The following DNAH11 variants were observed in gnomAD, a reference collection of about 807,000 sequenced individuals.
DNAH11 encodes dynein axonemal heavy chain 11.
A neutral mutation model predicts 526.0 loss-of-function variants in DNAH11; 442 were observed. The observed-to-expected ratio is 0.84, with a 90% CI of 0.78 to 0.91. The LOEUF (loss-of-function observed/expected upper bound fraction) is 0.91, where lower values mean the gene tolerates loss of function less well. DNAH11 is among the 40% of genes least tolerant of loss of function. The pLI, the probability that DNAH11 is intolerant of heterozygous loss-of-function variation, is 0.00. For synonymous variants in DNAH11, 2,461 were observed against 1,935.9 expected, an observed-to-expected ratio of 1.27 and a Z score of -7.12; for missense variants, 6,989 against 5,448.7, an observed-to-expected ratio of 1.28 and a Z score of -8.90.
At chr7:21,836,601 A>G (rs6960272) in intron 65 of DNAH11, among the ~76,000 whole-genome samples, 10,525 of 152,202 alleles carry the variant, frequency 0.069, 1,133 homozygotes, top group African/African-American at 0.23. Flanking sequence ...CTCAAAGTAG[A>G]TGAAAGACTT....
rs374008310 is a variant in DNAH11, at chr7:21,852,672, G to A, written c.11061+41G>A. 316 of 1,521,158 alleles carry A rather than the reference G, an allele frequency of 2.1e-4. 1 individual carries two copies. The African/African-American group carries it at 4.0e-3, about 19-fold the overall frequency. 94.2% of individuals were successfully genotyped at this position (1,521,158 alleles called of 1,614,324 possible). ...GGTGCCTGGCAGATTCTAATGCTCTGTTCGAATGAGACATGTGGGGTGGGC... is the reference window on the plus strand; with the variant it reads ...GGTGCCTGGCAGATTCTAATGCTCTATTCGAATGAGACATGTGGGGTGGGC... On this transcript the variant is annotated intron_variant, in intron 67 of 81. Transcript: ENST00000409508.
At chr7:21,774,087 T>C (rs72657377) in intron 56 of DNAH11, 88 bp downstream of exon 56, 64 of 1,183,566 alleles carry the variant, frequency 5.4e-5, no homozygotes, top group Non-Finnish European at 7.0e-6. Flanking sequence ...TAAATCCATT[T>C]CTATAAGATG....
chr7:21,754,053 T>C (rs1007338930), intron 54 of DNAH11, among the ~76,000 whole-genome samples: 5 of 152,206 alleles, frequency 3.3e-5, no homozygotes, highest in Non-Finnish European at 5.9e-5. Flanking sequence ...TTGGTTGATA[T>C]CATATAGCCT....
chr7:21,840,379 G>C (rs1373797749), intron 65 of DNAH11, among the ~76,000 whole-genome samples: 2 of 152,010 alleles, frequency 1.3e-5, no homozygotes, highest in Non-Finnish European at 2.9e-5. Flanking sequence ...ATTGGGCTCT[G>C]GCTAATTTTC....
At chr7:21,648,347 T>C (rs1405557619) in intron 28 of DNAH11, among the ~76,000 whole-genome samples, 1 of 152,208 alleles carries the variant, frequency 6.6e-6, no homozygotes, top group Non-Finnish European at 1.5e-5. Context: ...AGAAACTAGT[T>C]CTCCATTTGG....
At chr7:21,808,594 A>G (rs1789376384) in intron 63 of DNAH11, among the ~76,000 whole-genome samples, 1 of 152,044 alleles carries the variant, frequency 6.6e-6, no homozygotes, top group African/African-American at 2.4e-5. Flanking sequence ...CTACCTCCAT[A>G]AGATCCACCT....
chr7:21,576,033 C>A (rs1444575631), intron 8 of DNAH11, among the ~76,000 whole-genome samples: 1 of 152,054 alleles, frequency 6.6e-6, no homozygotes, highest in Admixed American at 6.6e-5. Context: ...CCTACTGCTC[C>A]CAGTAAGTGC....
At chr7:21,880,384 T>C (rs1029540332) in intron 74 of DNAH11, among the ~76,000 whole-genome samples, 1 of 152,208 alleles carries the variant, frequency 6.6e-6, no homozygotes, top group Non-Finnish European at 1.5e-5. Flanking sequence ...TCATCCAGAT[T>C]CTGCGAAGAA....
rs76887410 is a variant in DNAH11 at position 21,806,590 on chromosome 7, C to T, written c.10166-1293C>T. On this transcript the variant is annotated intron_variant, in intron 62 of 81. Transcript: ENST00000409508. ...GAACTGGCATTCCAATCCATTCTGACGTCATTTTTGTTTTCTGTGGTCAAT... is the reference window on the plus strand; with the variant it reads ...GAACTGGCATTCCAATCCATTCTGATGTCATTTTTGTTTTCTGTGGTCAAT... 5.9e-5 allele frequency among the ~76,000 whole-genome samples: 9 copies of T among 152,272 alleles called. No individual in the cohort carries two copies. In the East Asian group the frequency reaches 7.7e-4, roughly 13 times the overall value.
At chr7:21,780,914 T>C (rs1404639066) in intron 57 of DNAH11, among the ~76,000 whole-genome samples, 1 of 152,206 alleles carries the variant, frequency 6.6e-6, no homozygotes, top group Non-Finnish European at 1.5e-5. Context: ...ATGAGACAAG[T>C]AACACATTGA....
At chr7:21,681,482 T>C in intron 30 of DNAH11, 64 bp from the exon 31 acceptor site, 1 of 1,520,838 alleles carries the variant, frequency 6.6e-7, no homozygotes, top group Non-Finnish European at 8.9e-7. Context: ...ATACGAAGAA[T>C]TTGGGGCTCT....
At chr7:21,610,480 T>A (rs1253189026) in intron 20 of DNAH11, among the ~76,000 whole-genome samples, 1 of 152,114 alleles carries the variant, frequency 6.6e-6, no homozygotes, top group African/African-American at 2.4e-5. Context: ...GTCCAACAGA[T>A]TAAGTTCAGT....
chr7:21,780,298 AC>A, intron 57 of DNAH11, among the ~76,000 whole-genome samples: 1 of 152,246 alleles, frequency 6.6e-6, no homozygotes, highest in East Asian at 1.9e-4. Context: ...TAATCCCTGC[AC>A]TTAGGGAGGC....
At chr7:21,552,312 T>C (rs1783052705) in intron 2 of DNAH11, among the ~76,000 whole-genome samples, 1 of 152,184 alleles carries the variant, frequency 6.6e-6, no homozygotes, top group Non-Finnish European at 1.5e-5. Flanking sequence ...GAATCTTTTT[T>C]TGAGCATGAG....
At chr7:21,790,811 G>A (rs1788448194) in intron 61 of DNAH11, among the ~76,000 whole-genome samples, 1 of 152,204 alleles carries the variant, frequency 6.6e-6, no homozygotes, top group Non-Finnish European at 1.5e-5. Context: ...ATCATGAACA[G>A]GGAAATCATG....
intron 65 of DNAH11, among the ~76,000 whole-genome samples, chr7:21,832,622 A>G (rs549035791): frequency 6.6e-6 from 1 of 152,308 alleles, no homozygotes; most frequent in Non-Finnish European, 1.5e-5. Flanking sequence ...TTTATTCTTG[A>G]AAGCCTAGAG....
intron 20 of DNAH11, among the ~76,000 whole-genome samples, chr7:21,611,567 T>A (rs1785524779): frequency 6.6e-6 from 1 of 152,110 alleles, no homozygotes; most frequent in Non-Finnish European, 1.5e-5. Flanking sequence ...TTCAGGAAAT[T>A]CACCAAATCC....
chr7:21,621,622 C>G (rs1216502870), intron 25 of DNAH11, among the ~76,000 whole-genome samples: 2 of 151,956 alleles, frequency 1.3e-5, no homozygotes, highest in African/African-American at 4.8e-5. Context: ...AGCTTATCCA[C>G]CAGGATCAAG....
intron 56 of DNAH11, 42 bp downstream of exon 56, chr7:21,774,041 T>C (rs548708828): frequency 1.4e-6 from 2 of 1,443,978 alleles, no homozygotes; most frequent in African/African-American, 2.9e-5. Context: ...ATTTATGCTG[T>C]TTAACAGAAA....
Sources: allele counts gnomAD v4.1 joint callset (sites outside exome capture counted in the v4.1 genomes callset), GRCh38; gene constraint gnomAD v4.1.1; transcripts MANE v1.5; gene names NCBI Gene and HGNC (gene_info 2026-07-23, HGNC 2026-07-21).